Variants in TBC1D9B observed in about 807,000 individuals in gnomAD.
The protein encoded by TBC1D9B is TBC1 domain family, member 9B (with GRAM domain).
Under a neutral mutation model 121.1 loss-of-function variants are expected in TBC1D9B, and 87 were observed. That is an observed-to-expected ratio of 0.72 (90% confidence interval 0.60 to 0.86). The LOEUF is 0.86. Ranked by LOEUF, TBC1D9B falls within the 40% of genes least tolerant of loss-of-function variation. TBC1D9B has a pLI of 0.00. For synonymous variants in TBC1D9B, 668 were observed against 670.1 expected, an observed-to-expected ratio of 1.00 and a Z score of 0.05; for missense variants, 1,540 against 1,628.6, an observed-to-expected ratio of 0.95 and a Z score of 0.94.
rs183604803 is a variant in TBC1D9B, at chr5:179,886,500, C to T, written c.1254+1603G>A. On this transcript the variant is annotated intron_variant, in intron 7 of 20. Coordinates refer to ENST00000355235, the MANE Select transcript of TBC1D9B (RefSeq NM_015043.4). ...ATCCAACTTCACTCTTTCTTGAAATCCCAGATGAAGCCCAACCTTCTCCAC... is the reference window on the plus strand; with the variant it reads ...ATCCAACTTCACTCTTTCTTGAAATTCCAGATGAAGCCCAACCTTCTCCAC... Among the ~76,000 whole-genome samples, 3 of 152,324 alleles carry T rather than the reference C, an allele frequency of 2.0e-5. No homozygotes were observed. In the East Asian group the frequency reaches 5.8e-4, roughly 29 times the overall value.
At chr5:179,873,342 G>T in intron 12 of TBC1D9B, 94 bp from the exon 13 acceptor site, 1 of 1,449,560 alleles carries the variant, frequency 6.9e-7, no homozygotes, top group Non-Finnish European at 9.1e-7. Context: ...CAATCTTTAT[G>T]CAGACTCCTA....
At chr5:179,898,063 C>T (rs2113645644) in intron 3 of TBC1D9B, among the ~76,000 whole-genome samples, 2 of 152,198 alleles carry the variant, frequency 1.3e-5, no homozygotes, top group South Asian at 4.1e-4. Context: ...TGCCTGTAAT[C>T]CCATAACTTT....
chr5:179,882,641 C>T (rs1484678191), intron 7 of TBC1D9B, among the ~76,000 whole-genome samples: 19 of 152,246 alleles, frequency 1.2e-4, no homozygotes, highest in African/African-American at 3.4e-4. Flanking sequence ...GTCAGGAGTT[C>T]GAGATCAGTC....
chr5:179,904,554 A>T lies in TBC1D9B; in HGVS notation c.229+148T>A, dbSNP rs1761258609. On this transcript the variant is annotated intron_variant, in intron 2 of 20. Transcript: ENST00000355235. The surrounding 1 kb of genome is among the most constrained non-coding windows in gnomAD (Gnocchi z 4.2). Reference sequence around the variant, plus strand: ...AGCTGCCTTTCTAAGATGGAAGCGAAGGCTCCTCCACTTCCCTCTTGCAGC... The same window carrying T: ...AGCTGCCTTTCTAAGATGGAAGCGATGGCTCCTCCACTTCCCTCTTGCAGC... The T allele has an allele frequency of 1.4e-5, 10 of 722,130 alleles. No homozygotes were observed. The South Asian group carries it at 1.8e-4, about 13-fold the overall frequency. The allele number at this position is 722,130 out of a possible 1,614,324, so 44.7% of individuals were successfully genotyped here.
chr5:179,907,883 C>G lies in TBC1D9B; in HGVS notation c.-62G>C. 1.0e-6 allele frequency: 1 copy of G among 952,944 alleles called. No individual in the cohort carries two copies. The allele number at this position is 952,944 out of a possible 1,614,324, so 59.0% of individuals were successfully genotyped here. ...CGGAAGCGCCCGCCGCCGTCGGCGT[C>G]CCGGAGCGGAGCGTGCGGAGCGGAG... is the stretch of plus-strand genomic sequence containing the variant. On this transcript the variant is annotated 5_prime_UTR_variant, in exon 1 of 21. Transcript: ENST00000355235. This position sits in a 1 kb window ranked among gnomAD's most constrained non-coding sequence, Gnocchi z 5.3.
rs1015111232 is a variant in TBC1D9B at position 179,874,991 on chromosome 5, G to A, written c.2097C>T (p.Ile699=). 6.2e-7 allele frequency: 1 copy of A among 1,613,962 alleles called. No homozygotes were observed. Among genetic ancestry groups the A allele is most frequent in the East Asian group, 2.2e-5 (1 of 44,886 alleles). The change falls in exon 12 of 21, where the codon ATC becomes ATT. Residue 699 remains isoleucine (I), a synonymous_variant. Transcript: ENST00000355235. The surrounding 1 kb of genome is among the most constrained non-coding windows in gnomAD (Gnocchi z 4.3). The part of the protein sequence containing the change: ...DCFFYEGIKV[I]LQVALAVLDA... ...CCAGGACGGCCAGGGCCACCTGCAG[G>A]ATCACCTTGATGCCCTCATAGAAAA...
chr5:179,869,666 G>A, intron 17 of TBC1D9B, 103 bp downstream of exon 17: 5 of 1,279,678 alleles, frequency 3.9e-6, no homozygotes, highest in Non-Finnish European at 5.6e-6. Context: ...CGACGCTGCT[G>A]TGCCCCCTCG....
intron 5 of TBC1D9B, among the ~76,000 whole-genome samples, chr5:179,892,589 C>T (rs1367421215): frequency 1.3e-5 from 2 of 152,226 alleles, no homozygotes; most frequent in African/African-American, 2.4e-5. Flanking sequence ...GCCTATCGGT[C>T]CCCTGGACAG....
rs760568290 is a variant in TBC1D9B at position 179,879,146 on chromosome 5, C to A, written c.1468G>T (p.Gly490Trp). The A allele has an allele frequency of 6.2e-7, 1 of 1,606,768 alleles. No homozygotes were observed. Among genetic ancestry groups the A allele is most frequent in the Non-Finnish European group, 8.5e-7 (1 of 1,179,626 alleles). The change falls in exon 9 of 21, where the codon GGG becomes TGG. Residue 490 changes from glycine to tryptophan, a missense_variant. By Grantham distance (184) the Gly-to-Trp change is radical (BLOSUM62 -2). Transcript: ENST00000355235. ...ESWHIHFFEY[G>W]RGVCMYRTAK... The stretch of plus-strand genomic sequence containing the variant: ...GTGCGGTACATGCACACGCCACGCC[C>A]GTACTCGAAGAAGTGGATGTGCCAT...
intron 17 of TBC1D9B, 71 bp downstream of exon 17, chr5:179,869,698 G>GCC (rs777490986): frequency 1.3e-6 from 2 of 1,546,330 alleles, no homozygotes; most frequent in South Asian, 2.3e-5. Context: ...TCTCACAGAG[G>GCC]CCTGTCCTCT....
At chr5:179,867,315 T>A in intron 18 of TBC1D9B, 1 of 1,077,612 alleles carries the variant, frequency 9.3e-7, no homozygotes, top group Non-Finnish European at 1.3e-6. Flanking sequence ...TTCTGGGTCC[T>A]TCTCAGAACT....
chr5:179,895,454 C>T (rs893669385), intron 3 of TBC1D9B, among the ~76,000 whole-genome samples: 4 of 152,172 alleles, frequency 2.6e-5, no homozygotes, highest in African/African-American at 9.7e-5. Context: ...CTGCACTTGG[C>T]CCCCTGTATG....
chr5:179,885,586 C>A lies in TBC1D9B; in HGVS notation c.1254+2517G>T, dbSNP rs1040656616. Among the ~76,000 whole-genome samples the A allele has an allele frequency of 9.5e-6, 1 of 105,358 alleles. No homozygotes were observed. The highest frequency in any genetic ancestry group is 1.7e-5 in the Non-Finnish European group (1 of 57,362). The allele number at this position is 105,358 out of a possible 152,430, so 69.1% of individuals were successfully genotyped here. A position where few individuals can be genotyped will look rare whatever the true frequency, so the allele number is the denominator to read the frequency against. On this transcript the variant is annotated intron_variant, in intron 7 of 20. Coordinates refer to ENST00000355235, the MANE Select transcript of TBC1D9B (RefSeq NM_015043.4). This position sits in a 1 kb window ranked among gnomAD's most constrained non-coding sequence, Gnocchi z 4.5. ...CCTAGGTGACAGAGCAAGACTCTGTCCCCCCCCCAAAAAAAAAAAGATGGA... is the reference window on the plus strand; with the variant it reads ...CCTAGGTGACAGAGCAAGACTCTGTACCCCCCCCAAAAAAAAAAAGATGGA...
rs1212606422 is a variant in TBC1D9B at position 179,888,258 on chromosome 5, T to C, written c.1099A>G (p.Ile367Val). 6.2e-6 allele frequency: 10 copies of C among 1,611,308 alleles called. No individual in the cohort carries two copies. The highest frequency in any genetic ancestry group is 8.5e-6 in the Non-Finnish European group (10 of 1,179,246). ...SSSVLPSPLS[I>V]STKSKMTFLF... is the part of the protein sequence containing the mutation. ...AATGTCATTTTGCTTTTGGTGCTGA[T>C]GGACAGGGGGCTGGGCAGCACGCTG... The change falls in exon 7 of 21, where the codon ATC becomes GTC. Residue 367 changes from isoleucine to valine, a missense_variant. Coordinates refer to ENST00000355235, the MANE Select transcript of TBC1D9B (RefSeq NM_015043.4).
intron 7 of TBC1D9B, among the ~76,000 whole-genome samples, chr5:179,886,985 C>T (rs1363398756): frequency 6.6e-6 from 1 of 152,194 alleles, no homozygotes; most frequent in Non-Finnish European, 1.5e-5. Flanking sequence ...TTGCTTAAAT[C>T]CATACGTTCA....
chr5:179,901,900 G>A (rs541800347), intron 2 of TBC1D9B, among the ~76,000 whole-genome samples: 1 of 152,298 alleles, frequency 6.6e-6, no homozygotes, highest in Admixed American at 6.5e-5. Context: ...TAGCTAATTA[G>A]AGTATTAAAT....
intron 7 of TBC1D9B, chr5:179,880,025 C>T (rs1022785973): frequency 6.9e-6 from 4 of 582,392 alleles, no homozygotes; most frequent in East Asian, 2.9e-5. Flanking sequence ...CTCTCACCAG[C>T]GAGTCAGTCT....
chr5:179,885,596 A>C lies in TBC1D9B; in HGVS notation c.1254+2507T>G, dbSNP rs1022917296. Among the ~76,000 whole-genome samples, 572 of 52,860 alleles carry C rather than the reference A, an allele frequency of 0.011. 3 individuals are homozygous for C. Among genetic ancestry groups the C allele is most frequent in the East Asian group, 0.058 (19 of 328 alleles). The allele number at this position is 52,860 out of a possible 152,430, so 34.7% of individuals were successfully genotyped here. On this transcript the variant is annotated intron_variant, in intron 7 of 20. Coordinates refer to ENST00000355235, the MANE Select transcript of TBC1D9B (RefSeq NM_015043.4). This position sits in a 1 kb window ranked among gnomAD's most constrained non-coding sequence, Gnocchi z 4.5. ...AGAGCAAGACTCTGTCCCCCCCCCAAAAAAAAAAAGATGGAGGTATTTTAC... is the reference window on the plus strand; with the variant it reads ...AGAGCAAGACTCTGTCCCCCCCCCACAAAAAAAAAGATGGAGGTATTTTAC...
At position 179,879,267 on chromosome 5, in the gene TBC1D9B, G is replaced by A. The variant is rs115886360; in HGVS notation, c.1417-70C>T. 2,716 of 1,538,384 alleles carry A rather than the reference G, an allele frequency of 1.8e-3. 45 individuals carry two copies. The African/African-American group carries it at 0.033, about 18-fold the overall frequency. ...TGAGTGCCGAGGCCTAGGCCACCGC[G>A]GAAGCCTCGTGAACACTCCAGACAG... On this transcript the variant is annotated intron_variant, in intron 8 of 20. Coordinates refer to ENST00000355235, the MANE Select transcript of TBC1D9B (RefSeq NM_015043.4).
Sources: allele counts gnomAD v4.1 joint callset (sites outside exome capture counted in the v4.1 genomes callset), GRCh38; gene constraint gnomAD v4.1.1; non-coding constraint Gnocchi (gnomAD v3.1); transcripts MANE v1.5; gene names NCBI Gene and HGNC (gene_info 2026-07-23, HGNC 2026-07-21).